GPC5: variants seen among roughly 807,000 people sequenced by gnomAD.
The protein encoded by GPC5 is glypican-5.
In GPC5, 47 loss-of-function variants were observed where a neutral mutation model predicts 53.9. The ratio of observed to expected loss-of-function variants is 0.87; its 90% confidence interval spans 0.69 to 1.11. The LOEUF is 1.11. Ranked by LOEUF, GPC5 falls within the 50% of genes most tolerant of loss-of-function variation. The pLI is 0.00. For missense variants in GPC5, 748 were observed against 713.1 expected (o/e 1.05, Z -0.56); for synonymous variants, 286 against 263.3 (o/e 1.09, Z -0.84).
intron 7 of GPC5, among the ~76,000 whole-genome samples, chr13:92,747,897 C>G (rs1203212761): frequency 6.6e-6 from 1 of 152,102 alleles, no homozygotes; most frequent in Non-Finnish European, 1.5e-5. Context: ...AAAATATATG[C>G]CAGTGATATC....
intron 7 of GPC5, among the ~76,000 whole-genome samples, chr13:92,182,086 GTTTATTTA>G (rs1281988473): frequency 6.6e-6 from 1 of 152,036 alleles, no homozygotes; most frequent in Non-Finnish European, 1.5e-5. Flanking sequence ...AATTTTTTCT[GTTTATTTA>G]TTTATTTTTT....
rs184388933 is a variant in GPC5 at position 92,673,006 on chromosome 13, A to G, written c.1562-193276A>G. ...CATGACACAAGTTTACCTGTGTAAC[A>G]CACCTGCACTTGTACCCCCGAACCT... is the stretch of plus-strand genomic sequence containing the variant. On this transcript the variant is annotated intron_variant, in intron 7 of 7. Coordinates refer to ENST00000377067, the MANE Select transcript of GPC5 (RefSeq NM_004466.6). 2.0e-5 allele frequency among the ~76,000 whole-genome samples: 3 copies of G among 152,262 alleles called. No homozygotes were observed. In the East Asian group the frequency reaches 5.8e-4, roughly 29 times the overall value.
At chr13:92,377,645 TG>T (rs1250258054) in intron 7 of GPC5, among the ~76,000 whole-genome samples, 3 of 152,206 alleles carry the variant, frequency 2.0e-5, no homozygotes, top group Non-Finnish European at 4.4e-5. Flanking sequence ...TGTCCTTATC[TG>T]AATTTTCTAC....
chr13:92,837,545 T>A (rs1369308584), intron 7 of GPC5, among the ~76,000 whole-genome samples: 2 of 152,082 alleles, frequency 1.3e-5, no homozygotes, highest in African/African-American at 4.8e-5. Flanking sequence ...TATGCCACTG[T>A]GGGGAAAGAA....
intron 7 of GPC5, among the ~76,000 whole-genome samples, chr13:92,218,095 T>A (rs999792368): frequency 2.0e-5 from 3 of 151,150 alleles, no homozygotes; most frequent in Admixed American, 6.6e-5. Context: ...GACTAATTTT[T>A]AAAAAAAAAT....
At chr13:92,581,273 A>G (rs79003111) in intron 7 of GPC5, among the ~76,000 whole-genome samples, 4,727 of 152,084 alleles carry the variant, frequency 0.031, 246 homozygotes, top group African/African-American at 0.11. Flanking sequence ...TCCTATTTCT[A>G]TGAGTTGGAC....
chr13:91,417,786 A>G (rs1878339096), intron 1 of GPC5, among the ~76,000 whole-genome samples: 1 of 152,166 alleles, frequency 6.6e-6, no homozygotes, highest in Non-Finnish European at 1.5e-5. Flanking sequence ...AGTAGTTCTT[A>G]TCATAGGCAT....
At chr13:91,559,619 C>T (rs2031148174) in intron 2 of GPC5, among the ~76,000 whole-genome samples, 1 of 152,104 alleles carries the variant, frequency 6.6e-6, no homozygotes, top group African/African-American at 2.4e-5. Flanking sequence ...TACTTGGACC[C>T]ACATGAAACT....
At chr13:92,742,828 T>C (rs1889140377) in intron 7 of GPC5, among the ~76,000 whole-genome samples, 1 of 152,164 alleles carries the variant, frequency 6.6e-6, no homozygotes, top group South Asian at 2.1e-4. Flanking sequence ...GCACCATTTA[T>C]TAAATAGGGA....
In GPC5 at chr13:92,801,220, C is replaced by CT. The variant is rs1173764015; in HGVS notation, c.1562-65061dup. 4.6e-5 allele frequency among the ~76,000 whole-genome samples: 7 copies of CT among 151,562 alleles called. No individual in the cohort carries two copies. The South Asian group carries it at 1.5e-3, about 31-fold the overall frequency. On this transcript the variant is annotated intron_variant, in intron 7 of 7. Transcript: ENST00000377067. ...ATTTATACAGTCTACCTACATATAC[C>CT]TATAGATATATATACATATCTATAT...
intron 7 of GPC5, among the ~76,000 whole-genome samples, chr13:92,153,687 C>T (rs530579361): frequency 6.6e-6 from 1 of 152,154 alleles, no homozygotes; most frequent in Non-Finnish European, 1.5e-5. Context: ...GGTATGTGAG[C>T]CTGCTTTGCA....
At chr13:92,847,451 T>G (rs1398348067) in intron 7 of GPC5, among the ~76,000 whole-genome samples, 1 of 152,032 alleles carries the variant, frequency 6.6e-6, no homozygotes, top group African/African-American at 2.4e-5. Flanking sequence ...ATTTCTCCCT[T>G]GCTCTTCTCT....
intron 5 of GPC5, among the ~76,000 whole-genome samples, chr13:91,841,400 T>A (rs185324314): frequency 2.4e-4 from 36 of 148,040 alleles, no homozygotes; most frequent in African/African-American, 9.0e-4. Context: ...AGCAAAGAGG[T>A]CTTTTGGGTT....
intron 2 of GPC5, among the ~76,000 whole-genome samples, chr13:91,638,822 A>G (rs554439101): frequency 1.7e-4 from 26 of 152,238 alleles, no homozygotes; most frequent in Admixed American, 6.5e-4. Flanking sequence ...TTATACCTCA[A>G]TGTCCTATTT....
intron 2 of GPC5, among the ~76,000 whole-genome samples, chr13:91,641,815 T>C (rs1299788936): frequency 6.6e-6 from 1 of 152,178 alleles, no homozygotes; most frequent in Non-Finnish European, 1.5e-5. Flanking sequence ...TCCTGGAAGC[T>C]ATAGGGAACA....
At chr13:92,750,816 A>T (rs1391065068) in intron 7 of GPC5, among the ~76,000 whole-genome samples, 1 of 152,202 alleles carries the variant, frequency 6.6e-6, no homozygotes, top group East Asian at 1.9e-4. Context: ...CCTCTCAGAG[A>T]CCTGAGCTAT....
intron 6 of GPC5, among the ~76,000 whole-genome samples, chr13:91,953,037 A>G (rs968452549): frequency 3.9e-5 from 6 of 152,302 alleles, no homozygotes; most frequent in East Asian, 1.9e-4. Context: ...ATAAAAATGA[A>G]TATTAGAGAC....
intron 1 of GPC5, among the ~76,000 whole-genome samples, chr13:91,436,623 G>T (rs1412193583): frequency 1.3e-5 from 2 of 152,074 alleles, no homozygotes; most frequent in African/African-American, 4.8e-5. Context: ...GGTCAATTTT[G>T]GAATAAGTGC....
intron 7 of GPC5, among the ~76,000 whole-genome samples, chr13:92,676,091 C>A (rs1177331790): frequency 6.6e-6 from 1 of 152,064 alleles, no homozygotes; most frequent in African/African-American, 2.4e-5. Context: ...GCATTACTTC[C>A]AACGACATGC....
Sources: allele counts gnomAD v4.1 joint callset (sites outside exome capture counted in the v4.1 genomes callset), GRCh38; gene constraint gnomAD v4.1.1; transcripts MANE v1.5; gene names NCBI Gene and HGNC (gene_info 2026-07-23, HGNC 2026-07-21).